NELL2: variants seen among roughly 807,000 people sequenced by gnomAD.
NELL2 encodes the protein neural EGFL like 2, also known as protein kinase C-binding protein NELL2.
Under a neutral mutation model 109.6 loss-of-function variants are expected in NELL2, and 41 were observed. That is an observed-to-expected ratio of 0.37 (90% CI 0.29 to 0.49). The LOEUF (loss-of-function observed/expected upper bound fraction) is 0.49. NELL2 is among the 20% of genes least tolerant of loss of function. NELL2 has a pLI of 0.98. For missense variants in NELL2, 900 were observed against 1,008.3 expected, an observed-to-expected ratio of 0.89 and a Z score of 1.45; for synonymous variants, 355 against 344.7, an observed-to-expected ratio of 1.03 and a Z score of -0.33.
chr12:44,727,055 A>G (rs1592408957), intron 9 of NELL2, among the ~76,000 whole-genome samples: 1 of 152,232 alleles, frequency 6.6e-6, no homozygotes, highest in African/African-American at 2.4e-5. Flanking sequence ...CTAGAGTGAG[A>G]CATGAAATTC....
upstream of NELL2, among the ~76,000 whole-genome samples, chr12:44,879,834 C>G (rs1053730819): frequency 1.3e-5 from 2 of 151,858 alleles, no homozygotes; most frequent in East Asian, 3.9e-4. Context: ...TTGTGGAAAA[C>G]CAATGCACCT....
At chr12:44,682,969 G>A (rs1948577515) in intron 12 of NELL2, among the ~76,000 whole-genome samples, 1 of 152,174 alleles carries the variant, frequency 6.6e-6, no homozygotes. Flanking sequence ...GTCATAGGTA[G>A]TTTGATGGGG....
chr12:44,723,112 C>G (rs1305654267), intron 9 of NELL2, among the ~76,000 whole-genome samples: 2 of 151,818 alleles, frequency 1.3e-5, no homozygotes, highest in Non-Finnish European at 2.9e-5. Flanking sequence ...TGACATGAAC[C>G]CGGGAGGCGG....
At chr12:44,634,236 A>G (rs1488534340) in intron 13 of NELL2, among the ~76,000 whole-genome samples, 3 of 152,124 alleles carry the variant, frequency 2.0e-5, no homozygotes, top group Non-Finnish European at 2.9e-5. Flanking sequence ...GGTTTGTTAC[A>G]TAGGTATACA....
At chr12:44,816,501 G>A (rs961084304) in intron 2 of NELL2, among the ~76,000 whole-genome samples, 1 of 152,124 alleles carries the variant, frequency 6.6e-6, no homozygotes, top group African/African-American at 2.4e-5. Context: ...AAAAAGATGT[G>A]CTTCCTAGAA....
chr12:44,910,349 C>G (rs1289420961), intron 1 of NELL2, among the ~76,000 whole-genome samples: 4 of 151,824 alleles, frequency 2.6e-5, no homozygotes, highest in Non-Finnish European at 4.4e-5. Flanking sequence ...ATGTGGCCAA[C>G]AAACATGAAA....
intron 13 of NELL2, among the ~76,000 whole-genome samples, chr12:44,660,010 G>A (rs1032709903): frequency 3.9e-5 from 6 of 152,022 alleles, no homozygotes; most frequent in African/African-American, 7.2e-5. Flanking sequence ...TTTTATCTTC[G>A]GAGAATCATT....
Position 44,876,183 on chromosome 12 carries a change from G to T in NELL2, c.-314C>A. 1.6e-6 allele frequency: 2 copies of T among 1,243,178 alleles called. No individual in the cohort carries two copies. Among genetic ancestry groups the T allele is most frequent in the Non-Finnish European group, 2.0e-6 (2 of 988,406 alleles). 77.0% of individuals were successfully genotyped at this position (1,243,178 alleles called of 1,614,324 possible). A position where few individuals can be genotyped will look rare whatever the true frequency, so the allele number is the denominator to read the frequency against. Reference sequence around the variant, plus strand: ...CGGCTCCGTCGGGGAATTAGCTCCCGAGCCGAATAAAAGCAGCCAAAGACT... The same window carrying T: ...CGGCTCCGTCGGGGAATTAGCTCCCTAGCCGAATAAAAGCAGCCAAAGACT... On this transcript the variant is annotated 5_prime_UTR_variant, in exon 1 of 20. Transcript: ENST00000429094.
chr12:44,729,724 TGGATTACAGGCATGCGCCTGTACTA>T (rs899136884), intron 9 of NELL2, among the ~76,000 whole-genome samples: 4 of 151,406 alleles, frequency 2.6e-5, no homozygotes, highest in African/African-American at 4.9e-5. Context: ...TTTTTTGAGA[TGGATTACAGGCATGCGCCTGTACTA>T]GGATTACAGG....
intron 12 of NELL2, among the ~76,000 whole-genome samples, chr12:44,683,547 G>C (rs950795899): frequency 6.6e-6 from 1 of 151,980 alleles, no homozygotes; most frequent in Non-Finnish European, 1.5e-5. Flanking sequence ...TATGATATTG[G>C]CTGTGGGTTT....
chr12:44,701,015 C>T (rs1487777975), intron 12 of NELL2, among the ~76,000 whole-genome samples: 6 of 152,114 alleles, frequency 3.9e-5, no homozygotes, highest in Middle Eastern at 3.4e-3. Context: ...ATGTTATTTG[C>T]AAACAATGGC....
chr12:44,584,849 C>T (rs1212364372), intron 15 of NELL2, among the ~76,000 whole-genome samples: 3 of 152,162 alleles, frequency 2.0e-5, no homozygotes, highest in Non-Finnish European at 4.4e-5. Context: ...ATTTCCCTAA[C>T]AATATAGACA....
rs984018133 is a variant in NELL2 at position 44,642,211 on chromosome 12, A to G, written c.1444+23273T>C. On this transcript the variant is annotated intron_variant, in intron 13 of 19. Transcript: ENST00000429094. ...CTACCATCTAGGCAAGGGTTCACAGATGATTCTTAACCTGATAAGCATTCT... is the reference window on the plus strand; with the variant it reads ...CTACCATCTAGGCAAGGGTTCACAGGTGATTCTTAACCTGATAAGCATTCT... 7.2e-5 allele frequency among the ~76,000 whole-genome samples: 11 copies of G among 152,314 alleles called. No individual in the cohort carries two copies. The East Asian group carries it at 2.1e-3, about 29-fold the overall frequency.
At chr12:44,624,996 G>GTGTATATA (rs1461319004) in intron 13 of NELL2, among the ~76,000 whole-genome samples, 2 of 71,124 alleles carry the variant, frequency 2.8e-5, no homozygotes, top group East Asian at 6.5e-4. Context: ...ATATGTGTGT[G>GTGTATATA]TATATATATA....
At chr12:44,765,104 A>T (rs1941276742) in intron 9 of NELL2, among the ~76,000 whole-genome samples, 1 of 152,220 alleles carries the variant, frequency 6.6e-6, no homozygotes, top group Non-Finnish European at 1.5e-5. Flanking sequence ...GTGCTCCTGT[A>T]TACAGACCTT....
chr12:44,618,031 A>G (rs1347795722), intron 13 of NELL2, among the ~76,000 whole-genome samples: 1 of 152,134 alleles, frequency 6.6e-6, no homozygotes, highest in African/African-American at 2.4e-5. Flanking sequence ...AGCAACAGCT[A>G]TTCATTTTGT....
chr12:44,756,435 T>A (rs1327200332), intron 9 of NELL2, among the ~76,000 whole-genome samples: 1 of 152,068 alleles, frequency 6.6e-6, no homozygotes, highest in Non-Finnish European at 1.5e-5. Context: ...GAGCCCTACA[T>A]GTGCATCCAG....
intron 9 of NELL2, among the ~76,000 whole-genome samples, chr12:44,737,177 C>T (rs1014537221): frequency 6.6e-6 from 1 of 151,816 alleles, no homozygotes; most frequent in Admixed American, 6.6e-5. Flanking sequence ...TGAAGTTGCT[C>T]AGATTAAGAT....
intron 13 of NELL2, among the ~76,000 whole-genome samples, chr12:44,659,083 A>C (rs892459264): frequency 6.6e-6 from 1 of 152,142 alleles, no homozygotes; most frequent in African/African-American, 2.4e-5. Context: ...CAGACCTGAC[A>C]AAAACAAGCA....
Sources: allele counts gnomAD v4.1 joint callset (sites outside exome capture counted in the v4.1 genomes callset), GRCh38; gene constraint gnomAD v4.1.1; transcripts MANE v1.5; gene names NCBI Gene and HGNC (gene_info 2026-07-23, HGNC 2026-07-21).